The following IRS1 variants were observed in gnomAD, a reference collection of about 807,000 sequenced individuals.
IRS1 encodes the protein insulin receptor substrate 1.
In IRS1, 34 loss-of-function variants were observed where a neutral mutation model predicts 65.6. The observed-to-expected ratio is 0.52, with a 90% CI of 0.39 to 0.69. IRS1 has a LOEUF of 0.69. IRS1 is among the 30% of genes least tolerant of loss of function. The pLI is 0.00. For missense variants in IRS1, 1,641 were observed against 1,720.2 expected (o/e 0.95, Z 0.81); for synonymous variants, 699 against 683.5 (o/e 1.02, Z -0.35).
In IRS1 at chr2:226,766,163, A is replaced by ATATATTT. The variant is rs58592685; in HGVS notation, c.*21+28825_*21+28826insAAATATA. ...TATATATATATATATATATATATAT[A>ATATATTT]TTTTTTTTTTTTTTTTTTGAGACAG... On this transcript the variant is annotated intron_variant, in intron 1 of 1. Transcript: ENST00000305123. Among the ~76,000 whole-genome samples the ATATATTT allele has an allele frequency of 1.1e-3, 5 of 4,600 alleles. 1 individual carries two copies. Among genetic ancestry groups the ATATATTT allele is most frequent in the Non-Finnish European group, 2.4e-3 (5 of 2,098 alleles). 3.0% of individuals were successfully genotyped at this position (4,600 alleles called of 152,430 possible). A position where few individuals can be genotyped will look rare whatever the true frequency, so the allele number is the denominator to read the frequency against.
chr2:226,740,574 T>C (rs1938417408), intron 1 of IRS1, among the ~76,000 whole-genome samples: 1 of 152,186 alleles, frequency 6.6e-6, no homozygotes, highest in South Asian at 2.1e-4. Context: ...AGAGTATAAG[T>C]GTGATGGAAA....
intron 1 of IRS1, among the ~76,000 whole-genome samples, chr2:226,748,506 A>G (rs1303937220): frequency 1.3e-5 from 2 of 152,142 alleles, no homozygotes; most frequent in African/African-American, 4.8e-5. Context: ...GTAGACTTTA[A>G]AAAATAAATT....
intron 1 of IRS1, among the ~76,000 whole-genome samples, chr2:226,747,668 G>A (rs771616881): frequency 7.2e-5 from 11 of 152,148 alleles, no homozygotes; most frequent in Non-Finnish European, 1.5e-4. Context: ...CCCATGGAAG[G>A]GCCAGACAGA....
chr2:226,791,165 C>A (rs896968443), intron 1 of IRS1, among the ~76,000 whole-genome samples: 1 of 152,086 alleles, frequency 6.6e-6, no homozygotes, highest in Non-Finnish European at 1.5e-5. Flanking sequence ...CAAAGGAATT[C>A]CCCCTCCCCC....
rs1939808529 is a variant in IRS1, at chr2:226,798,584, T to C, written c.155A>G (p.Lys52Arg). Residue 52 changes from lysine to arginine, a missense_variant, in exon 1 of 2, where the codon AAG (lysine) becomes AGG (arginine). Lys to Arg is a conservative substitution (Grantham distance 26, BLOSUM62 2). This residue lies in a region of IRS1 where 240 missense variants were observed against 229.6 expected (regional missense o/e 1.05). Transcript: ENST00000305123. The surrounding 1 kb of genome is among the most constrained non-coding windows in gnomAD (Gnocchi z 9.4). ...ARLEYYENEKKWRHKSSAPKR... is the reference protein window; with the variant it reads ...ARLEYYENEKRWRHKSSAPKR... ...GGGGGCGCTCGACTTGTGCCGCCAC[T>C]TCTTCTCGTTCTCGTAGTACTCGAG... is the stretch of plus-strand genomic sequence containing the variant. The C allele has an allele frequency of 1.9e-6, 3 of 1,613,738 alleles. No individual in the cohort carries two copies. The highest frequency in any genetic ancestry group is 2.5e-6 in the Non-Finnish European group (3 of 1,179,996).
chr2:226,778,391 T>C (rs1939314087), intron 1 of IRS1, among the ~76,000 whole-genome samples: 1 of 152,180 alleles, frequency 6.6e-6, no homozygotes, highest in Non-Finnish European at 1.5e-5. Flanking sequence ...ATTGTGAGAT[T>C]TCTTCTTGTG....
intron 1 of IRS1, among the ~76,000 whole-genome samples, chr2:226,753,091 G>C (rs1418889261): frequency 1.3e-5 from 2 of 152,156 alleles, no homozygotes; most frequent in East Asian, 1.9e-4. Flanking sequence ...GAACTGAAAA[G>C]GGATGGAAGG....
chr2:226,794,659 G>A lies in IRS1; in HGVS notation c.*21+330C>T, dbSNP rs963350932. Among the ~76,000 whole-genome samples, 5 of 152,218 alleles carry A rather than the reference G, an allele frequency of 3.3e-5. No homozygotes were observed. Among genetic ancestry groups the A allele is most frequent in the Non-Finnish European group, 7.3e-5 (5 of 68,032 alleles). Reference sequence around the variant, plus strand: ...GGCTGACCTAAATATATAGTGAAAAGAAAACTTCAACAAACAAATCAAGCT... The same window carrying A: ...GGCTGACCTAAATATATAGTGAAAAAAAAACTTCAACAAACAAATCAAGCT... On this transcript the variant is annotated intron_variant, in intron 1 of 1. Coordinates refer to ENST00000305123, the MANE Select transcript of IRS1 (RefSeq NM_005544.3). The surrounding 1 kb of genome is among the most constrained non-coding windows in gnomAD (Gnocchi z 4.1).
intron 1 of IRS1, among the ~76,000 whole-genome samples, chr2:226,767,635 G>T (rs1042130436): frequency 6.6e-6 from 1 of 152,208 alleles, no homozygotes; most frequent in Non-Finnish European, 1.5e-5. Context: ...GTGGCAATAC[G>T]CAAAGGGCCT....
intron 1 of IRS1, among the ~76,000 whole-genome samples, chr2:226,740,172 T>C (rs147553322): frequency 1.1e-4 from 16 of 152,336 alleles, no homozygotes; most frequent in Middle Eastern, 3.4e-3. Flanking sequence ...GGTTACATCA[T>C]TGGGGAATAA....
At chr2:226,753,519 T>TA (rs1347625071) in intron 1 of IRS1, among the ~76,000 whole-genome samples, 1 of 152,230 alleles carries the variant, frequency 6.6e-6, no homozygotes, top group Non-Finnish European at 1.5e-5. Context: ...AATCCTTTAC[T>TA]AAACTGTTTA....
chr2:226,745,917 A>G lies in IRS1; in HGVS notation c.*22-9667T>C, dbSNP rs534708208. ...AGTTATTTCAGAAAGGAGGAAGGGG[A>G]AAATGCCAGAACAAAAAGAAAAAGT... On this transcript the variant is annotated intron_variant, in intron 1 of 1. Transcript: ENST00000305123. 2.7e-4 allele frequency among the ~76,000 whole-genome samples: 41 copies of G among 152,362 alleles called. No homozygotes were observed. In the East Asian group the frequency reaches 7.3e-3, roughly 27 times the overall value.
chr2:226,750,896 C>A (rs1336088192), intron 1 of IRS1, among the ~76,000 whole-genome samples: 1 of 152,134 alleles, frequency 6.6e-6, no homozygotes, highest in Non-Finnish European at 1.5e-5. Context: ...GCCTTTCTAA[C>A]CAGCTTACAA....
rs1300371245 is a variant in IRS1 at position 226,733,495 on chromosome 2, CAT to C, written c.*2775_*2776del. The C allele has an allele frequency of 1.3e-5, 2 of 152,200 alleles. No homozygotes were observed. The highest frequency in any genetic ancestry group is 4.8e-5 in the African/African-American group (2 of 41,444). 9.4% of individuals were successfully genotyped at this position (152,200 alleles called of 1,614,324 possible). A position where few individuals can be genotyped will look rare whatever the true frequency, so the allele number is the denominator to read the frequency against. On this transcript the variant is annotated 3_prime_UTR_variant, in exon 2 of 2. Coordinates refer to ENST00000305123, the MANE Select transcript of IRS1 (RefSeq NM_005544.3). ...CCCAGAATGAAGATATCATCAAAGT[CAT>C]AAAACATATTTGTTCTTTTCGCAAA...
intron 1 of IRS1, among the ~76,000 whole-genome samples, chr2:226,787,889 TTAAC>T (rs778547146): frequency 1.3e-4 from 20 of 152,206 alleles, no homozygotes; most frequent in Non-Finnish European, 2.5e-4. Flanking sequence ...CCAGTGGCCT[TTAAC>T]TAACTGCTAA....
chr2:226,789,729 T>G (rs569315169), intron 1 of IRS1, among the ~76,000 whole-genome samples: 1 of 152,324 alleles, frequency 6.6e-6, no homozygotes, highest in Non-Finnish European at 1.5e-5. Flanking sequence ...TTCTGAGAGC[T>G]GACCTTAGGA....
In IRS1 at chr2:226,732,641, TACAC is replaced by T. The variant is rs1395624900; in HGVS notation, c.*3627_*3630del. ...ATCCCACACACACGTCACATATATA[TACAC>T]ACACACAAAGACACACACATGTCAC... On this transcript the variant is annotated 3_prime_UTR_variant, in exon 2 of 2. Coordinates refer to ENST00000305123, the MANE Select transcript of IRS1 (RefSeq NM_005544.3). 7 of 150,218 alleles carry T rather than the reference TACAC, an allele frequency of 4.7e-5. No individual in the cohort carries two copies. Among genetic ancestry groups the T allele is most frequent in the Admixed American group, 2.0e-4 (3 of 14,930 alleles). 9.3% of individuals were successfully genotyped at this position (150,218 alleles called of 1,614,324 possible).
At chr2:226,743,112 C>T (rs1363840644) in intron 1 of IRS1, among the ~76,000 whole-genome samples, 1 of 151,378 alleles carries the variant, frequency 6.6e-6, no homozygotes, top group Non-Finnish European at 1.5e-5. Flanking sequence ...TTTACCAATA[C>T]TATAGTTTGT....
At position 226,797,027 on chromosome 2, in the gene IRS1, T is replaced by C; in HGVS notation, c.1712A>G (p.His571Arg). 1 of 1,607,030 alleles carries C rather than the reference T, an allele frequency of 6.2e-7. No homozygotes were observed. The highest frequency in any genetic ancestry group is 8.5e-7 in the Non-Finnish European group (1 of 1,175,300). ...GGTGGGCACGAAGGCGGAGTGCCTG[T>C]GTCCCGGCAGTCGGCCTCCACTGCC... ...GGGSGGRLPGHRHSAFVPTRS... is the reference protein window; with the variant it reads ...GGGSGGRLPGRRHSAFVPTRS... Residue 571 changes from histidine to arginine, a missense_variant, in exon 1 of 2, where the codon CAC becomes CGC. By Grantham distance (29) the His-to-Arg change is conservative. This residue lies in a region of IRS1 where 1,324 missense variants were observed against 1,361.0 expected (regional missense o/e 0.97). Coordinates refer to ENST00000305123, the MANE Select transcript of IRS1 (RefSeq NM_005544.3). This position sits in a 1 kb window ranked among gnomAD's most constrained non-coding sequence, Gnocchi z 8.1.
Sources: gnomAD v4.1 joint callset for allele counts (sites outside exome capture counted in the v4.1 genomes callset) on GRCh38, gnomAD v4.1.1 for gene constraint, gnomAD v4.1.1 regional missense constraint, Gnocchi (gnomAD v3.1) non-coding constraint, MANE v1.5 for transcripts, NCBI Gene and HGNC (gene_info 2026-07-23, HGNC 2026-07-21) for gene names.